The following ANO4 variants were observed in gnomAD, a reference collection of about 807,000 sequenced individuals.
ANO4 encodes anoctamin 4, also known as anoctamin-4.
In ANO4, 69 loss-of-function variants were observed where a neutral mutation model predicts 141.9. That is an observed-to-expected ratio of 0.49 (90% confidence interval 0.40 to 0.59). ANO4 has a LOEUF of 0.59. Among genes scored for constraint, ANO4 ranks in the 20% least tolerant of loss-of-function variants. The pLI is 0.00. For missense variants in ANO4, 894 were observed against 1,162.2 expected (o/e 0.77, Z 3.36); for synonymous variants, 350 against 394.3 (o/e 0.89, Z 1.33).
At chr12:101,124,120 C>A (rs2051208696) in intron 26 of ANO4, among the ~76,000 whole-genome samples, 1 of 152,138 alleles carries the variant, frequency 6.6e-6, no homozygotes. Context: ...TGAAACCTTG[C>A]CAGCATCTGT....
At chr12:101,005,798 G>A (rs1025651119) in intron 8 of ANO4, among the ~76,000 whole-genome samples, 1 of 152,100 alleles carries the variant, frequency 6.6e-6, no homozygotes, top group African/African-American at 2.4e-5. Flanking sequence ...AGTCTTAAAG[G>A]TAGATAGTTT....
chr12:100,988,334 C>T (rs977666287), intron 8 of ANO4, among the ~76,000 whole-genome samples: 2 of 151,988 alleles, frequency 1.3e-5, no homozygotes, highest in African/African-American at 2.4e-5. Context: ...TGGCTGGATG[C>T]AGGGCAGGGC....
chr12:100,944,805 T>A (rs527656170), intron 5 of ANO4, among the ~76,000 whole-genome samples: 1 of 152,298 alleles, frequency 6.6e-6, no homozygotes, highest in Admixed American at 6.5e-5. Flanking sequence ...AAAGAAAATA[T>A]CCCTTGGCTG....
chr12:100,886,972 C>G (rs1451270155), intron 1 of ANO4, among the ~76,000 whole-genome samples: 1 of 152,150 alleles, frequency 6.6e-6, no homozygotes. Flanking sequence ...CCTTTTTCAT[C>G]CTTGTTTCTA....
chr12:100,806,524 GTTTTTTTTTTTTTTTTTTTTTTTTT>G (rs763949654), intron 1 of ANO4, among the ~76,000 whole-genome samples: 1 of 59,838 alleles, frequency 1.7e-5, no homozygotes, highest in African/African-American at 5.6e-5. Flanking sequence ...TTTTTGTTTC[GTTTTTTTTTTTTTTTTTTTTTTTTT>G]TTTTTTTTTT....
chr12:101,122,812 A>G (rs2051148517), intron 26 of ANO4, among the ~76,000 whole-genome samples: 2 of 152,152 alleles, frequency 1.3e-5, no homozygotes, highest in East Asian at 1.9e-4. Context: ...GCATTTTCCA[A>G]TAGGACTGGG....
Position 100,872,541 on chromosome 12 carries a change from G to C in ANO4, c.-140-29105G>C, listed in dbSNP as rs768286849. Among the ~76,000 whole-genome samples the C allele has an allele frequency of 3.0e-4, 46 of 152,284 alleles. 1 individual carries two copies. Among genetic ancestry groups the C allele is most frequent in the Admixed American group, 1.4e-3 (21 of 15,288 alleles). ...GGGATTAACATACGTTTTCAGCTAAGCAAGTCATTAAAAACAAATGCAAGT... is the reference window on the plus strand; with the variant it reads ...GGGATTAACATACGTTTTCAGCTAACCAAGTCATTAAAAACAAATGCAAGT... On this transcript the variant is annotated intron_variant, in intron 1 of 27. Coordinates refer to ENST00000392977, the MANE Select transcript of ANO4 (RefSeq NM_001286615.2).
chr12:100,967,934 T>C (rs2043750557), intron 5 of ANO4, among the ~76,000 whole-genome samples: 1 of 152,174 alleles, frequency 6.6e-6, no homozygotes, highest in Non-Finnish European at 1.5e-5. Context: ...TGGAATCAGC[T>C]CTGTCTGGGG....
chr12:101,022,888 C>T (rs543310364), intron 9 of ANO4, among the ~76,000 whole-genome samples: 17 of 152,180 alleles, frequency 1.1e-4, no homozygotes, highest in South Asian at 6.2e-4. Context: ...TACAGGTGCC[C>T]GCCACCATGC....
intron 9 of ANO4, among the ~76,000 whole-genome samples, chr12:101,032,288 A>G (rs2136560685): frequency 6.6e-6 from 1 of 152,248 alleles, no homozygotes; most frequent in East Asian, 1.9e-4. Flanking sequence ...CACATCTACA[A>G]CCATCCGATC....
In ANO4 at chr12:100,739,053, A is replaced by ATC. The variant is rs386377556; in HGVS notation, c.107-799_107-798dup. 3.7e-4 allele frequency among the ~76,000 whole-genome samples: 54 copies of ATC among 147,082 alleles called. No individual in the cohort carries two copies. In the East Asian group the frequency reaches 8.4e-3, roughly 23 times the overall value. On this transcript the variant is annotated intron_variant, in intron 2 of 29. Coordinates refer to the ANO4 transcript ENST00000644049. ...ATAATCTCTAAATCTTTATATATATATCTAAATCTTTATATATATCTAAAT... is the reference window on the plus strand; with the variant it reads ...ATAATCTCTAAATCTTTATATATATATCTCTAAATCTTTATATATATCTAAAT...
At chr12:100,783,379 A>G (rs773511732) in intron 3 of ANO4, among the ~76,000 whole-genome samples, 4 of 152,212 alleles carry the variant, frequency 2.6e-5, no homozygotes, top group South Asian at 4.1e-4. Context: ...TACCATAACT[A>G]TTTCATTCAA....
At chr12:100,969,380 A>G (rs896658286) in intron 5 of ANO4, among the ~76,000 whole-genome samples, 1 of 152,200 alleles carries the variant, frequency 6.6e-6, no homozygotes, top group Admixed American at 6.5e-5. Context: ...CCAATATTAG[A>G]GAGTGCCTCC....
intron 17 of ANO4, among the ~76,000 whole-genome samples, chr12:101,089,240 G>T (rs1239928039): frequency 6.6e-6 from 1 of 151,988 alleles, no homozygotes; most frequent in African/African-American, 2.4e-5. Flanking sequence ...CTTAATTTAT[G>T]ATCACTAGGT....
At chr12:100,824,227 A>G (rs2036208808) in intron 1 of ANO4, among the ~76,000 whole-genome samples, 2 of 152,016 alleles carry the variant, frequency 1.3e-5, no homozygotes, top group Non-Finnish European at 2.9e-5. Context: ...ACTGTCAGTC[A>G]GTCATGTGAC....
intron 14 of ANO4, among the ~76,000 whole-genome samples, chr12:101,059,013 C>T (rs535883394): frequency 2.4e-4 from 37 of 152,084 alleles, no homozygotes. Context: ...ATAAATAGCT[C>T]TTATTATATT....
At chr12:100,948,272 C>T (rs190062002) in intron 5 of ANO4, among the ~76,000 whole-genome samples, 1 of 151,972 alleles carries the variant, frequency 6.6e-6, no homozygotes, top group Non-Finnish European at 1.5e-5. Context: ...TTGGGTGCTG[C>T]CCAGACTGTG....
At chr12:101,082,701 C>T (rs2049333145) in intron 15 of ANO4, among the ~76,000 whole-genome samples, 1 of 152,252 alleles carries the variant, frequency 6.6e-6, no homozygotes, top group Non-Finnish European at 1.5e-5. Context: ...GAAGGCCATC[C>T]TTCATGCTAC....
chr12:101,050,084 G>A (rs2047797886), intron 14 of ANO4, among the ~76,000 whole-genome samples: 1 of 152,130 alleles, frequency 6.6e-6, no homozygotes, highest in Admixed American at 6.6e-5. Context: ...GGGACCAGGA[G>A]GAATTAGGAG....
Sources: gnomAD v4.1 joint callset for allele counts (sites outside exome capture counted in the v4.1 genomes callset) on GRCh38, gnomAD v4.1.1 for gene constraint, MANE v1.5 for transcripts, NCBI Gene and HGNC (gene_info 2026-07-23, HGNC 2026-07-21) for gene names.